DISC1: variants seen among roughly 807,000 people sequenced by gnomAD.
The protein encoded by DISC1 is DISC1 scaffold protein, also known as disrupted in schizophrenia 1 protein.
In DISC1, 57 loss-of-function variants were observed where a neutral mutation model predicts 84.5. That is an observed-to-expected ratio of 0.67 (90% CI 0.55 to 0.84). The LOEUF is 0.84. Among genes scored for constraint, DISC1 ranks in the 40% least tolerant of loss-of-function variants. The probability of loss-of-function intolerance (pLI) is 0.00; values close to 1 mark genes in which losing one functional copy is unlikely to be tolerated. For synonymous variants in DISC1, 411 were observed against 415.2 expected, an observed-to-expected ratio of 0.99 and a Z score of 0.12; for missense variants, 1,000 against 1,057.8, an observed-to-expected ratio of 0.95 and a Z score of 0.76.
At chr1:231,832,822 G>C (rs1024692893) in intron 9 of DISC1, among the ~76,000 whole-genome samples, 1 of 149,276 alleles carries the variant, frequency 6.7e-6, no homozygotes, top group Non-Finnish European at 1.5e-5. Context: ...AACCTGTAAG[G>C]CTTGTCTGGT....
chr1:231,722,909 G>A (rs2070038260), intron 3 of DISC1: 1 of 1,293,138 alleles, frequency 7.7e-7, no homozygotes, highest in South Asian at 1.8e-5. Flanking sequence ...GGGACAATTA[G>A]ATTTTTGTAG....
In DISC1 at chr1:232,040,804, CAACA is replaced by C. The variant is rs909856541; in HGVS notation, c.*3977_*3980del. 2.6e-5 allele frequency: 4 copies of C among 152,216 alleles called. No homozygotes were observed. Among genetic ancestry groups the C allele is most frequent in the African/African-American group, 9.6e-5 (4 of 41,454 alleles). The allele number at this position is 152,216 out of a possible 1,614,324, so 9.4% of individuals were successfully genotyped here. On this transcript the variant is annotated 3_prime_UTR_variant, in exon 13 of 13. Transcript: ENST00000439617. ...GTGAAGTCTAGGCTCAGACAGGCAT[CAACA>C]AACCTATTCACCCCACCATCATCCT...
At chr1:231,837,522 T>C (rs920343387) in intron 9 of DISC1, among the ~76,000 whole-genome samples, 4 of 152,222 alleles carry the variant, frequency 2.6e-5, no homozygotes, top group African/African-American at 9.6e-5. Flanking sequence ...CATTACATGA[T>C]GAGGTCCCCA....
intron 2 of DISC1, among the ~76,000 whole-genome samples, chr1:231,700,629 T>A (rs1487898497): frequency 2.0e-5 from 3 of 152,200 alleles, no homozygotes; most frequent in Admixed American, 2.0e-4. Flanking sequence ...TAATCCCCGT[T>A]GTTCAAGGGC....
chr1:231,863,002 A>G (rs935023388), intron 9 of DISC1, among the ~76,000 whole-genome samples: 2 of 152,128 alleles, frequency 1.3e-5, no homozygotes, highest in South Asian at 2.1e-4. Context: ...TGACTCTGCA[A>G]AGGACTTATA....
chr1:231,860,403 A>G (rs1413608322), intron 9 of DISC1, among the ~76,000 whole-genome samples: 2 of 152,288 alleles, frequency 1.3e-5, no homozygotes, highest in Admixed American at 6.5e-5. Context: ...AAAATCCAAA[A>G]TCCAAAATGC....
chr1:231,676,328 C>T (rs932307742), intron 1 of DISC1, among the ~76,000 whole-genome samples: 10 of 152,168 alleles, frequency 6.6e-5, no homozygotes, highest in Non-Finnish European at 1.5e-4. Context: ...TCCCTGTGAC[C>T]ATTTAGGATT....
chr1:231,771,059 A>C lies in DISC1; in HGVS notation c.1623A>C (p.Glu541Asp). The change falls in exon 6 of 13, where the codon GAA (glutamate) becomes GAC (aspartate). Residue 541 changes from glutamate (E) to aspartate (D), a missense_variant. By Grantham distance (45) the Glu-to-Asp change is conservative. This residue lies in a region of DISC1 where 397 missense variants were observed against 377.5 expected (regional missense o/e 1.05). Coordinates refer to ENST00000439617, the MANE Select transcript of DISC1 (RefSeq NM_018662.3). ...TTCCCTTCCATGCAGAGCCACCGGA[A>C]ACCATAAGGAGGTACTGCTGATTTC... ...GQIPFHAEPP[E>D]TIRSLQERIK... The C allele has an allele frequency of 6.3e-7, 1 of 1,598,072 alleles. No individual in the cohort carries two copies. Among genetic ancestry groups the C allele is most frequent in the South Asian group, 1.1e-5 (1 of 89,238 alleles).
chr1:231,978,518 C>T (rs926879314), intron 10 of DISC1, among the ~76,000 whole-genome samples: 1 of 152,122 alleles, frequency 6.6e-6, no homozygotes, highest in African/African-American at 2.4e-5. Context: ...CATCCATTTG[C>T]AGAATAGTAA....
intron 4 of DISC1, among the ~76,000 whole-genome samples, chr1:231,756,982 A>G (rs1186771125): frequency 6.6e-6 from 1 of 152,170 alleles, no homozygotes; most frequent in East Asian, 1.9e-4. Flanking sequence ...CCAGGGGGCC[A>G]TGGTGGCAGG....
At chr1:231,872,100 A>C (rs192256181) in intron 9 of DISC1, among the ~76,000 whole-genome samples, 5 of 152,236 alleles carry the variant, frequency 3.3e-5, no homozygotes, top group Non-Finnish European at 7.3e-5. Flanking sequence ...AACAGCGTGA[A>C]GACAGCCTGA....
chr1:231,893,795 G>A (rs973815063), intron 9 of DISC1, among the ~76,000 whole-genome samples: 13 of 152,214 alleles, frequency 8.5e-5, no homozygotes, highest in African/African-American at 3.1e-4. Context: ...GAGGCATGGG[G>A]AGATGACGCT....
rs1660447576 is a variant in DISC1, at chr1:231,961,972, C to G, written c.2042+3084C>G. Among the ~76,000 whole-genome samples, 3 of 152,184 alleles carry G rather than the reference C, an allele frequency of 2.0e-5. No homozygotes were observed. In the South Asian group the frequency reaches 6.2e-4, roughly 31 times the overall value. On this transcript the variant is annotated intron_variant, in intron 10 of 12. Coordinates refer to ENST00000439617, the MANE Select transcript of DISC1 (RefSeq NM_018662.3). The stretch of plus-strand genomic sequence containing the variant: ...AATCTGCCAACTGCTTCTACAGTGA[C>G]TGAACTAATTTACATTACCACCAAC...
intron 9 of DISC1, among the ~76,000 whole-genome samples, chr1:231,951,634 C>T (rs994611050): frequency 6.6e-6 from 1 of 152,152 alleles, no homozygotes; most frequent in African/African-American, 2.4e-5. Flanking sequence ...TTGAATCTAA[C>T]TTGTTGCTTT....
At chr1:231,741,062 C>T (rs1341278300) in intron 3 of DISC1, among the ~76,000 whole-genome samples, 1 of 152,162 alleles carries the variant, frequency 6.6e-6, no homozygotes, top group Admixed American at 6.5e-5. Flanking sequence ...TTAGGAAGGT[C>T]GCTCTGTTGG....
intron 3 of DISC1, among the ~76,000 whole-genome samples, chr1:231,711,523 C>T (rs892077887): frequency 1.3e-5 from 2 of 150,734 alleles, no homozygotes; most frequent in Non-Finnish European, 2.9e-5. Context: ...CCATGCCTGG[C>T]TAATTTTTTT....
intron 9 of DISC1, among the ~76,000 whole-genome samples, chr1:231,827,967 T>G (rs1215613593): frequency 1.3e-5 from 2 of 152,182 alleles, no homozygotes; most frequent in Non-Finnish European, 2.9e-5. Flanking sequence ...AGAATGTCGT[T>G]TTATTTTTCT....
At chr1:231,899,210 A>T (rs188325830) in intron 9 of DISC1, among the ~76,000 whole-genome samples, 11 of 152,284 alleles carry the variant, frequency 7.2e-5, no homozygotes, top group Admixed American at 7.2e-4. Context: ...GAGCTCTGGG[A>T]CAGTAGCTGT....
At chr1:231,893,143 A>G (rs2087387971) in intron 9 of DISC1, among the ~76,000 whole-genome samples, 1 of 152,200 alleles carries the variant, frequency 6.6e-6, no homozygotes, top group African/African-American at 2.4e-5. Flanking sequence ...TGCCTGGGTG[A>G]CACAGCAAGA....
Sources: allele counts gnomAD v4.1 joint callset (sites outside exome capture counted in the v4.1 genomes callset), GRCh38; gene constraint gnomAD v4.1.1; regional missense constraint gnomAD v4.1.1; transcripts MANE v1.5; gene names NCBI Gene and HGNC (gene_info 2026-07-23, HGNC 2026-07-21).